The following AGBL1 variants were observed in gnomAD, a reference collection of about 807,000 sequenced individuals.
AGBL1 encodes cytosolic carboxypeptidase 4.
Under a neutral mutation model 118.9 loss-of-function variants are expected in AGBL1, and 130 were observed. The observed-to-expected ratio is 1.09, with a 90% CI of 0.95 to 1.26. The LOEUF (loss-of-function observed/expected upper bound fraction) is 1.26. Among genes scored for constraint, AGBL1 ranks in the 50% most tolerant of loss-of-function variants. The probability of loss-of-function intolerance (pLI) is 0.00; values close to 1 mark genes in which losing one functional copy is unlikely to be tolerated. For missense variants in AGBL1, 1,584 were observed against 1,298.1 expected (o/e 1.22, Z -3.38); for synonymous variants, 555 against 478.9 (o/e 1.16, Z -2.08).
intron 24 of AGBL1, among the ~76,000 whole-genome samples, chr15:87,027,623 G>T (rs1567294117): frequency 6.6e-6 from 1 of 152,066 alleles, no homozygotes; most frequent in East Asian, 1.9e-4. Context: ...CGAAGACATG[G>T]AATCAACCTA....
At position 86,935,958 on chromosome 15, in the gene AGBL1, AGT is replaced by A. The variant is rs2080668779; in HGVS notation, c.3222-52027_3222-52026del. Among the ~76,000 whole-genome samples, 2 of 152,258 alleles carry A rather than the reference AGT, an allele frequency of 1.3e-5. 1 individual carries two copies. The highest frequency in any genetic ancestry group is 1.3e-4 in the Admixed American group (2 of 15,284). On this transcript the variant is annotated intron_variant, in intron 23 of 24. Coordinates refer to the AGBL1 transcript ENST00000441037. ...TTCGCAACTGCAGCTCTGGGAGCTC[AGT>A]GAAAGACTTGAATAAAGGAGAGACT...
chr15:86,381,978 T>G (rs1428749764), intron 17 of AGBL1, among the ~76,000 whole-genome samples: 1 of 152,088 alleles, frequency 6.6e-6, no homozygotes, highest in African/African-American at 2.4e-5. Context: ...GGACGGAAAA[T>G]ATCCAAAAGG....
intron 18 of AGBL1, among the ~76,000 whole-genome samples, chr15:86,494,740 C>T (rs2142148843): frequency 6.6e-6 from 1 of 152,148 alleles, no homozygotes; most frequent in East Asian, 1.9e-4. Context: ...TCATCCTTTA[C>T]TCTAGAACAT....
At chr15:86,268,639 C>T (rs571280825) in intron 13 of AGBL1, among the ~76,000 whole-genome samples, 152 of 152,110 alleles carry the variant, frequency 1.0e-3, no homozygotes, top group Non-Finnish European at 1.8e-3. Context: ...GGAGAGAGCA[C>T]TGTGGGAATA....
At chr15:86,997,704 A>G (rs2081392698) in intron 24 of AGBL1, among the ~76,000 whole-genome samples, 1 of 152,158 alleles carries the variant, frequency 6.6e-6, no homozygotes, top group Non-Finnish European at 1.5e-5. Context: ...ATTAAATTAC[A>G]CAGAGAGAGC....
intron 22 of AGBL1, among the ~76,000 whole-genome samples, chr15:86,806,222 C>T (rs956840018): frequency 3.3e-5 from 5 of 152,084 alleles, no homozygotes; most frequent in African/African-American, 9.7e-5. Context: ...AGGACATAGA[C>T]ATACTATAGA....
At chr15:86,597,761 G>A (rs1016644259) in intron 21 of AGBL1, among the ~76,000 whole-genome samples, 13 of 152,094 alleles carry the variant, frequency 8.5e-5, no homozygotes, top group African/African-American at 3.1e-4. Context: ...TAGGTATTTG[G>A]AAAGCTTTAT....
chr15:86,582,514 A>G (rs1043571442), intron 21 of AGBL1, among the ~76,000 whole-genome samples: 3 of 152,170 alleles, frequency 2.0e-5, no homozygotes, highest in African/African-American at 4.8e-5. Flanking sequence ...ATTACTGCGT[A>G]TATACCCAAA....
chr15:86,765,279 T>C (rs1045978420), intron 22 of AGBL1, among the ~76,000 whole-genome samples: 11 of 151,972 alleles, frequency 7.2e-5, no homozygotes, highest in African/African-American at 2.7e-4. Context: ...AAATAATCAT[T>C]GTGCTCCTAA....
intron 22 of AGBL1, among the ~76,000 whole-genome samples, chr15:86,767,725 C>G (rs1293862740): frequency 6.6e-6 from 1 of 151,906 alleles, no homozygotes; most frequent in African/African-American, 2.4e-5. Flanking sequence ...ACACAGTTCA[C>G]CAGACTAAGA....
chr15:86,524,976 T>C (rs144850956), intron 19 of AGBL1, among the ~76,000 whole-genome samples: 1 of 152,198 alleles, frequency 6.6e-6, no homozygotes, highest in Non-Finnish European at 1.5e-5. Flanking sequence ...TGTTTGCTAA[T>C]GATATGATCA....
intron 21 of AGBL1, among the ~76,000 whole-genome samples, chr15:86,561,149 C>T (rs928850191): frequency 6.6e-6 from 1 of 152,156 alleles, no homozygotes; most frequent in Non-Finnish European, 1.5e-5. Context: ...AATTAGATCC[C>T]ATTTGTCAAT....
chr15:86,954,804 CTG>C lies in AGBL1; in HGVS notation c.3222-33182_3222-33181del, dbSNP rs1304500780. On this transcript the variant is annotated intron_variant, in intron 23 of 24. Coordinates refer to the AGBL1 transcript ENST00000441037. Reference sequence around the variant, plus strand: ...GAACCCTCTATATCTAACATAAACACTGAAATTTAAAAAAATGTTCCATCTGT... The same window carrying C: ...GAACCCTCTATATCTAACATAAACACAAATTTAAAAAAATGTTCCATCTGT... Among the ~76,000 whole-genome samples, 2 of 152,158 alleles carry C rather than the reference CTG, an allele frequency of 1.3e-5. 1 individual carries two copies. Among genetic ancestry groups the C allele is most frequent in the East Asian group, 3.8e-4 (2 of 5,196 alleles).
At chr15:86,589,070 T>G (rs568528090) in intron 21 of AGBL1, among the ~76,000 whole-genome samples, 2 of 152,116 alleles carry the variant, frequency 1.3e-5, no homozygotes, top group South Asian at 4.2e-4. Flanking sequence ...GGACAACAAT[T>G]TTTTTTAAAT....
chr15:86,827,312 T>TAC (rs1441093085), intron 22 of AGBL1, among the ~76,000 whole-genome samples: 2 of 10,298 alleles, frequency 1.9e-4, no homozygotes, highest in South Asian at 2.9e-3. Flanking sequence ...TGTATATATA[T>TAC]ATATACACAC....
chr15:86,817,567 AAG>A (rs1396323227), intron 22 of AGBL1, among the ~76,000 whole-genome samples: 24 of 82,810 alleles, frequency 2.9e-4, no homozygotes, highest in Non-Finnish European at 4.6e-4. Flanking sequence ...GAGAGAGAGA[AAG>A]AGACAGACAC....
At chr15:86,580,093 G>C (rs2084153048) in intron 21 of AGBL1, among the ~76,000 whole-genome samples, 1 of 152,174 alleles carries the variant, frequency 6.6e-6, no homozygotes, top group Non-Finnish European at 1.5e-5. Flanking sequence ...TGAAATTCTT[G>C]AGTATATAAT....
At chr15:86,114,934 G>A (rs1897661963) in intron 1 of AGBL1, among the ~76,000 whole-genome samples, 1 of 152,130 alleles carries the variant, frequency 6.6e-6, no homozygotes, top group African/African-American at 2.4e-5. Context: ...TGACTCTTTT[G>A]TTAGAATGTC....
At chr15:86,900,817 T>C (rs758207619) in intron 22 of AGBL1, among the ~76,000 whole-genome samples, 2 of 152,204 alleles carry the variant, frequency 1.3e-5, no homozygotes, top group African/African-American at 2.4e-5. Flanking sequence ...TCTTGCAGAT[T>C]ACTTTCTGGA....
Sources: allele counts gnomAD v4.1 joint callset (sites outside exome capture counted in the v4.1 genomes callset), GRCh38; gene constraint gnomAD v4.1.1; transcripts MANE v1.5; gene names NCBI Gene and HGNC (gene_info 2026-07-23, HGNC 2026-07-21).